FNDC3A: variants seen among roughly 807,000 people sequenced by gnomAD.
FNDC3A encodes the protein fibronectin type III domain containing 3A.
Under a neutral mutation model 148.9 loss-of-function variants are expected in FNDC3A, and 32 were observed. That is an observed-to-expected ratio of 0.21 (90% CI 0.16 to 0.29). The LOEUF (loss-of-function observed/expected upper bound fraction) is 0.29. FNDC3A is among the 10% of genes least tolerant of loss of function. The pLI, the probability that FNDC3A is intolerant of heterozygous loss-of-function variation, is 1.00. For missense variants in FNDC3A, 1,191 were observed against 1,452.8 expected (o/e 0.82, Z 2.93); for synonymous variants, 472 against 473.6 (o/e 1.00, Z 0.04).
upstream of FNDC3A, chr13:48,975,614 G>A (rs1951583434): frequency 6.6e-6 from 1 of 152,212 alleles, no homozygotes; most frequent in South Asian, 2.1e-4. Context: ...GTGTCTCTAG[G>A]AACCTCCATT....
At chr13:49,114,450 A>G (rs891420019) in intron 3 of FNDC3A, among the ~76,000 whole-genome samples, 1 of 150,932 alleles carries the variant, frequency 6.6e-6, no homozygotes, top group African/African-American at 2.4e-5. Flanking sequence ...ACTTTAAAAA[A>G]CACAAATGTA....
At chr13:49,169,855 A>G (rs949395353) in intron 10 of FNDC3A, among the ~76,000 whole-genome samples, 1 of 152,168 alleles carries the variant, frequency 6.6e-6, no homozygotes, top group African/African-American at 2.4e-5. Context: ...GTGTATATAT[A>G]CATATATTCA....
At chr13:49,148,845 CTT>C (rs1352286139) in intron 8 of FNDC3A, among the ~76,000 whole-genome samples, 1 of 152,002 alleles carries the variant, frequency 6.6e-6, no homozygotes, top group African/African-American at 2.4e-5. Context: ...CAATGGATGT[CTT>C]TTCATTTGTT....
At chr13:49,049,578 T>A (rs1397012134) in intron 2 of FNDC3A, among the ~76,000 whole-genome samples, 1 of 152,192 alleles carries the variant, frequency 6.6e-6, no homozygotes, top group Non-Finnish European at 1.5e-5. Context: ...CTCCTCTAGG[T>A]TTTCTAATTT....
At chr13:49,016,006 A>G (rs1480594340) in intron 2 of FNDC3A, among the ~76,000 whole-genome samples, 9 of 151,960 alleles carry the variant, frequency 5.9e-5, no homozygotes, top group Non-Finnish European at 2.9e-5. Flanking sequence ...TCGGTTTGCC[A>G]GTATTTTATT....
chr13:49,168,609 A>G lies in FNDC3A; in HGVS notation c.1038-4A>G, dbSNP rs1205418457. 1.2e-6 allele frequency: 2 copies of G among 1,605,204 alleles called. No homozygotes were observed. The highest frequency in any genetic ancestry group is 2.2e-5 in the South Asian group (2 of 90,736). On this transcript the variant is annotated splice_region_variant and splice_polypyrimidine_tract_variant and intron_variant, in intron 9 of 25. Transcript: ENST00000492622. ...AGGTAAAACTATTTATTTTATCACC[A>G]TAGAGTCCAGGCAGAATATAATTCT...
chr13:49,130,390 A>G (rs114684077), intron 4 of FNDC3A, among the ~76,000 whole-genome samples: 2,843 of 152,248 alleles, frequency 0.019, 92 homozygotes, highest in African/African-American at 0.063. Flanking sequence ...AAATTCTAAC[A>G]TGTCATTGAT....
chr13:49,005,809 A>C (rs969891320), intron 1 of FNDC3A, among the ~76,000 whole-genome samples: 1 of 151,890 alleles, frequency 6.6e-6, no homozygotes, highest in African/African-American at 2.4e-5. Flanking sequence ...TGCCTATCCC[A>C]GTGTTTAGAT....
chr13:49,052,129 C>T (rs188803775), intron 2 of FNDC3A, among the ~76,000 whole-genome samples: 103 of 152,276 alleles, frequency 6.8e-4, no homozygotes, highest in African/African-American at 2.2e-3. Flanking sequence ...TCACCCTTCT[C>T]TGATGCCTCC....
chr13:49,100,007 A>C (rs192958298), intron 3 of FNDC3A, among the ~76,000 whole-genome samples: 83 of 152,266 alleles, frequency 5.5e-4, no homozygotes, highest in Non-Finnish European at 8.7e-4. Context: ...AATTAGGATG[A>C]CTATTTGAAA....
intron 5 of FNDC3A, among the ~76,000 whole-genome samples, chr13:49,136,051 A>G (rs962968424): frequency 2.6e-5 from 4 of 152,174 alleles, no homozygotes; most frequent in Non-Finnish European, 4.4e-5. Context: ...ATCATAAGTT[A>G]CCACCAAGCT....
rs1451095226 is a variant in FNDC3A, at chr13:48,976,124, TAAG to T, written c.-88_-86del. 1.3e-5 allele frequency: 2 copies of T among 152,084 alleles called. No homozygotes were observed. Among genetic ancestry groups the T allele is most frequent in the Non-Finnish European group, 2.9e-5 (2 of 68,082 alleles). 9.4% of individuals were successfully genotyped at this position (152,084 alleles called of 1,614,324 possible). A position where few individuals can be genotyped will look rare whatever the true frequency, so the allele number is the denominator to read the frequency against. Reference sequence around the variant, plus strand: ...GTAGAGAGACAACGATCAGGAACCCTAAGAAGAGGCGCCAGAGGAGCCGCCTTC... The same window carrying T: ...GTAGAGAGACAACGATCAGGAACCCTAAGAGGCGCCAGAGGAGCCGCCTTC... On this transcript the variant is annotated 5_prime_UTR_variant, in exon 1 of 26. Coordinates refer to ENST00000492622, the MANE Select transcript of FNDC3A (RefSeq NM_001079673.2).
chr13:49,080,855 G>T (rs1329775198), intron 3 of FNDC3A, among the ~76,000 whole-genome samples: 1 of 143,148 alleles, frequency 7.0e-6, no homozygotes, highest in Admixed American at 6.9e-5. Context: ...TGACAAATTG[G>T]TTCCTCTAGA....
chr13:49,173,204 G>C (rs1350641474), intron 11 of FNDC3A, among the ~76,000 whole-genome samples: 2 of 152,218 alleles, frequency 1.3e-5, no homozygotes, highest in Non-Finnish European at 2.9e-5. Context: ...ACCAAGCTAA[G>C]AAGAGGGGCC....
chr13:49,101,794 GT>G (rs570292116), intron 3 of FNDC3A, among the ~76,000 whole-genome samples: 3,867 of 103,368 alleles, frequency 0.037, 55 homozygotes, highest in Non-Finnish European at 0.05. Flanking sequence ...ACCTGCTTTA[GT>G]TTTTTTTTTT....
At chr13:49,199,985 G>A (rs561532278) in intron 23 of FNDC3A, among the ~76,000 whole-genome samples, 7 of 152,090 alleles carry the variant, frequency 4.6e-5, no homozygotes, top group Admixed American at 4.6e-4. Context: ...CTGAATATTT[G>A]TAACAGTCAT....
At chr13:49,108,502 C>T (rs1359387561) in intron 3 of FNDC3A, among the ~76,000 whole-genome samples, 1 of 152,086 alleles carries the variant, frequency 6.6e-6, no homozygotes, top group African/African-American at 2.4e-5. Context: ...ATCCATGCTT[C>T]ATTTCAAGGC....
At chr13:48,981,887 T>C (rs1327700361) in intron 1 of FNDC3A, among the ~76,000 whole-genome samples, 1 of 152,146 alleles carries the variant, frequency 6.6e-6, no homozygotes, top group Non-Finnish European at 1.5e-5. Flanking sequence ...TATTTTAATA[T>C]ATATTTGAAC....
Position 49,136,431 on chromosome 13 carries a change from A to G in FNDC3A, c.590A>G (p.Gln197Arg), listed in dbSNP as rs1244210947. Residue 197 changes from glutamine to arginine, a missense_variant, in exon 6 of 26, where the codon CAG becomes CGG. Around this residue, in one of 3 missense-constraint regions of FNDC3A, gnomAD observed 426 missense variants for 473.2 expected, o/e 0.90. Transcript: ENST00000492622. ...QKKLKDRQGT[Q>R]KDKMSSPPSS... is the part of the protein sequence containing the mutation. ...AAATTGAAGGATCGCCAAGGAACAC[A>G]GAAAGATAAAATGAGCAGTCCACCA... is the stretch of plus-strand genomic sequence containing the variant. The G allele has an allele frequency of 6.2e-7, 1 of 1,614,160 alleles. No individual in the cohort carries two copies. Among genetic ancestry groups the G allele is most frequent in the South Asian group, 1.1e-5 (1 of 91,086 alleles).
Sources: gnomAD v4.1 joint callset for allele counts (sites outside exome capture counted in the v4.1 genomes callset) on GRCh38, gnomAD v4.1.1 for gene constraint, gnomAD v4.1.1 regional missense constraint, MANE v1.5 for transcripts, NCBI Gene and HGNC (gene_info 2026-07-23, HGNC 2026-07-21) for gene names.